Variants in PACS1 observed in about 807,000 individuals in gnomAD.
PACS1 encodes phosphofurin acidic cluster sorting protein 1.
PACS1 carries 24 observed loss-of-function variants against 115.0 expected under a neutral mutation model. The observed-to-expected ratio is 0.21, with a 90% confidence interval of 0.15 to 0.29. The LOEUF (loss-of-function observed/expected upper bound fraction) is 0.29, where lower values mean the gene tolerates loss of function less well. PACS1 is among the 10% of genes least tolerant of loss of function. The probability of loss-of-function intolerance (pLI) is 1.00; values close to 1 mark genes in which losing one functional copy is unlikely to be tolerated. For missense variants in PACS1, 838 were observed against 1,251.2 expected (o/e 0.67, Z 4.98); for synonymous variants, 453 against 504.5 (o/e 0.90, Z 1.37).
chr11:66,098,850 A>T (rs1857845210), intron 1 of PACS1, among the ~76,000 whole-genome samples: 1 of 152,090 alleles, frequency 6.6e-6, no homozygotes, highest in Non-Finnish European at 1.5e-5. Flanking sequence ...TCAGGTCATG[A>T]TTTCTTGGCA....
At position 66,238,531 on chromosome 11, in the gene PACS1, C is replaced by G. The variant is rs931381996; in HGVS notation, c.2251-273C>G. 4 of 362,164 alleles carry G rather than the reference C, an allele frequency of 1.1e-5. No individual in the cohort carries two copies. In the Admixed American group the frequency reaches 1.8e-4, roughly 16 times the overall value. The allele number at this position is 362,164 out of a possible 1,614,324, so 22.4% of individuals were successfully genotyped here. On this transcript the variant is annotated intron_variant, in intron 19 of 23. Coordinates refer to ENST00000320580, the MANE Select transcript of PACS1 (RefSeq NM_018026.4). ...ATTTATTTATTTTGAGATGGAGTCTCGCTCTGTCGCCCAGGCTGGAGTGCA... is the reference window on the plus strand; with the variant it reads ...ATTTATTTATTTTGAGATGGAGTCTGGCTCTGTCGCCCAGGCTGGAGTGCA...
chr11:66,241,787 G>A, intron 22 of PACS1, 134 bp downstream of exon 22: 1 of 693,440 alleles, frequency 1.4e-6, no homozygotes, highest in South Asian at 1.9e-5. Context: ...GGGGTGCAGA[G>A]GGGGCAGTCC....
At chr11:66,229,179 C>CA (rs1436886558) in intron 11 of PACS1, among the ~76,000 whole-genome samples, 43 of 129,686 alleles carry the variant, frequency 3.3e-4, no homozygotes, top group African/African-American at 1.3e-3. Context: ...GATTCAAGAC[C>CA]AGCCCGGGCA....
chr11:66,238,939 C>A, intron 20 of PACS1, 93 bp downstream of exon 20: 2 of 1,398,276 alleles, frequency 1.4e-6, no homozygotes, highest in Non-Finnish European at 2.0e-6. Flanking sequence ...GCTCTGGATG[C>A]CCTGAGGGAA....
intron 4 of PACS1, 146 bp downstream of exon 4, chr11:66,211,405 G>T: frequency 1.3e-6 from 1 of 790,794 alleles, no homozygotes; most frequent in Non-Finnish European, 1.9e-6. Flanking sequence ...ATTATTTGCT[G>T]GAAATTCAGA....
intron 19 of PACS1, among the ~76,000 whole-genome samples, chr11:66,237,804 T>C (rs557614856): frequency 6.6e-6 from 1 of 151,556 alleles, no homozygotes; most frequent in South Asian, 2.1e-4. Flanking sequence ...AGAAGGGGAG[T>C]TGTATCCAGG....
chr11:66,177,350 C>G (rs754493827), intron 1 of PACS1, among the ~76,000 whole-genome samples: 8 of 152,064 alleles, frequency 5.3e-5, no homozygotes, highest in Non-Finnish European at 1.0e-4. Context: ...CGCCACCATG[C>G]CTGGCTAATT....
At chr11:66,143,441 GC>G (rs1198967838) in intron 1 of PACS1, among the ~76,000 whole-genome samples, 5 of 152,150 alleles carry the variant, frequency 3.3e-5, no homozygotes, top group African/African-American at 9.7e-5. Context: ...ATGCCAACGT[GC>G]TGTGGGTTCT....
intron 2 of PACS1, among the ~76,000 whole-genome samples, chr11:66,203,082 C>T (rs1854854082): frequency 6.6e-6 from 1 of 152,056 alleles, no homozygotes; most frequent in Non-Finnish European, 1.5e-5. Flanking sequence ...TCCTTGTTTG[C>T]AAATGATATG....
chr11:66,173,150 C>T (rs1859779857), intron 1 of PACS1, among the ~76,000 whole-genome samples: 1 of 145,240 alleles, frequency 6.9e-6, no homozygotes, highest in Non-Finnish European at 1.5e-5. Context: ...TCAGTCTGGT[C>T]TTAAACTCCT....
At chr11:66,086,234 G>T (rs550074123) in intron 1 of PACS1, among the ~76,000 whole-genome samples, 1 of 151,482 alleles carries the variant, frequency 6.6e-6, no homozygotes, top group Admixed American at 6.6e-5. Flanking sequence ...GCCCCCCGGG[G>T]TTCACGCCAT....
intron 1 of PACS1, among the ~76,000 whole-genome samples, chr11:66,124,209 C>T (rs1339417022): frequency 6.6e-6 from 1 of 152,200 alleles, no homozygotes; most frequent in Admixed American, 6.5e-5. Flanking sequence ...CTTGTCTGAA[C>T]ACATAAAAGA....
At chr11:66,079,210 TTG>T (rs1012730422) in intron 1 of PACS1, among the ~76,000 whole-genome samples, 4 of 152,124 alleles carry the variant, frequency 2.6e-5, no homozygotes, top group Non-Finnish European at 5.9e-5. Context: ...TTCTGAAACA[TTG>T]TGTGTGTTTG....
rs1798534930 is a variant in PACS1 at position 66,134,245 on chromosome 11, TTTCTTTTTC to T, written c.357-59238_357-59230del. Among the ~76,000 whole-genome samples, 7 of 121,442 alleles carry T rather than the reference TTTCTTTTTC, an allele frequency of 5.8e-5. No individual in the cohort carries two copies. The East Asian group carries it at 8.6e-4, about 15-fold the overall frequency. 79.7% of individuals were successfully genotyped at this position (121,442 alleles called of 152,430 possible). ...CTCGGTGATTAAATTTCTTTTTCTT[TTTCTTTTTC>T]TTTTTTTTTTTTTTTTTTTTTTTTT... On this transcript the variant is annotated intron_variant, in intron 1 of 23. Transcript: ENST00000320580.
chr11:66,171,842 G>A (rs1045288600), intron 1 of PACS1, among the ~76,000 whole-genome samples: 25 of 151,738 alleles, frequency 1.6e-4, no homozygotes, highest in Non-Finnish European at 3.1e-4. Context: ...GCCTCCCAAA[G>A]TGCTGGGATT....
chr11:66,137,965 C>T (rs951506075), intron 1 of PACS1, among the ~76,000 whole-genome samples: 11 of 152,112 alleles, frequency 7.2e-5, no homozygotes, highest in African/African-American at 2.4e-4. Flanking sequence ...CTCCTGACCT[C>T]AGGTGATCCA....
At chr11:66,189,092 A>C (rs1015232492) in intron 1 of PACS1, among the ~76,000 whole-genome samples, 3 of 152,200 alleles carry the variant, frequency 2.0e-5, no homozygotes, top group African/African-American at 7.2e-5. Context: ...AACTTAAAAG[A>C]GATAATGAAA....
chr11:66,107,678 C>A (rs11607393), intron 1 of PACS1, among the ~76,000 whole-genome samples: 31,235 of 152,078 alleles, frequency 0.21, 3,291 homozygotes, highest in Middle Eastern at 0.28. Flanking sequence ...GCCAGGGATG[C>A]TCTGTTCCCC....
intron 4 of PACS1, 39 bp from the exon 5 acceptor site, chr11:66,216,074 GTGCCTC>G: frequency 6.2e-7 from 1 of 1,600,840 alleles, no homozygotes; most frequent in South Asian, 1.1e-5. Flanking sequence ...GTTTCTCCAG[GTGCCTC>G]TGTAGTAACA....
Sources: allele counts gnomAD v4.1 joint callset (sites outside exome capture counted in the v4.1 genomes callset), GRCh38; gene constraint gnomAD v4.1.1; transcripts MANE v1.5; gene names NCBI Gene and HGNC (gene_info 2026-07-23, HGNC 2026-07-21).